Variants in PCDH9 observed in about 807,000 individuals in gnomAD.
PCDH9 encodes the protein protocadherin-9.
PCDH9 carries 24 observed loss-of-function variants against 70.6 expected under a neutral mutation model. The ratio of observed to expected loss-of-function variants is 0.34; its 90% confidence interval spans 0.25 to 0.48. The LOEUF (loss-of-function observed/expected upper bound fraction) is 0.48. PCDH9 is among the 20% of genes least tolerant of loss of function. The probability of loss-of-function intolerance (pLI) is 0.99; values close to 1 mark genes in which losing one functional copy is unlikely to be tolerated. For synonymous variants in PCDH9, 562 were observed against 558.5 expected, an observed-to-expected ratio of 1.01 and a Z score of -0.09; for missense variants, 1,281 against 1,503.6, an observed-to-expected ratio of 0.85 and a Z score of 2.45.
chr13:66,738,773 G>C (rs943294770), intron 3 of PCDH9, among the ~76,000 whole-genome samples: 1 of 152,010 alleles, frequency 6.6e-6, no homozygotes, highest in Admixed American at 6.6e-5. Context: ...GAAATGAAGC[G>C]AGAAGGGAAG....
chr13:66,671,326 G>C (rs147157877), intron 3 of PCDH9, among the ~76,000 whole-genome samples: 1 of 152,176 alleles, frequency 6.6e-6, no homozygotes, highest in African/African-American at 2.4e-5. Flanking sequence ...GTACTGCTAT[G>C]AGGATACCTG....
At chr13:67,078,198 T>C (rs1478705497) in intron 2 of PCDH9, among the ~76,000 whole-genome samples, 1 of 152,126 alleles carries the variant, frequency 6.6e-6, no homozygotes, top group Non-Finnish European at 1.5e-5. Context: ...TCACCTGGGC[T>C]TCTTCCCACC....
chr13:66,592,083 C>T (rs1240167885), intron 4 of PCDH9, among the ~76,000 whole-genome samples: 2 of 151,572 alleles, frequency 1.3e-5, no homozygotes, highest in Non-Finnish European at 3.0e-5. Context: ...TGTAGTAGTA[C>T]TTATCAATAT....
intron 3 of PCDH9, among the ~76,000 whole-genome samples, chr13:66,833,333 G>A (rs2080960768): frequency 6.6e-6 from 1 of 151,824 alleles, no homozygotes; most frequent in South Asian, 2.1e-4. Context: ...GACTTCTCTC[G>A]GTCCTTTATT....
At chr13:66,664,391 C>T (rs1052644480) in intron 3 of PCDH9, among the ~76,000 whole-genome samples, 2 of 150,830 alleles carry the variant, frequency 1.3e-5, no homozygotes, top group Non-Finnish European at 2.9e-5. Context: ...AACATGGACA[C>T]TTTTGTATCA....
At chr13:66,370,626 T>C (rs760231348) in intron 4 of PCDH9, among the ~76,000 whole-genome samples, 2 of 151,720 alleles carry the variant, frequency 1.3e-5, no homozygotes, top group African/African-American at 4.8e-5. Flanking sequence ...TCCTCCCGTA[T>C]CAGCCTCTTG....
At chr13:66,832,247 C>T (rs1412180699) in intron 3 of PCDH9, among the ~76,000 whole-genome samples, 2 of 151,844 alleles carry the variant, frequency 1.3e-5, no homozygotes, top group Non-Finnish European at 2.9e-5. Flanking sequence ...TAAATGTATG[C>T]CGTATGACGT....
intron 3 of PCDH9, among the ~76,000 whole-genome samples, chr13:66,895,288 G>T (rs748030409): frequency 2.0e-5 from 3 of 151,940 alleles, no homozygotes; most frequent in Non-Finnish European, 4.4e-5. Flanking sequence ...AGTTAAAATG[G>T]GATCTCACAG....
chr13:66,783,551 C>T (rs1322051114), intron 3 of PCDH9, among the ~76,000 whole-genome samples: 3 of 152,120 alleles, frequency 2.0e-5, no homozygotes, highest in Non-Finnish European at 4.4e-5. Context: ...TACATAGTCT[C>T]CTACCAAAAT....
At chr13:66,917,976 G>A (rs2082582564) in intron 2 of PCDH9, among the ~76,000 whole-genome samples, 1 of 151,206 alleles carries the variant, frequency 6.6e-6, no homozygotes, top group Non-Finnish European at 1.5e-5. Context: ...GAAAATTGGG[G>A]GTGACTGACC....
At chr13:67,202,515 T>C (rs2138056500) in intron 2 of PCDH9, 1 of 152,278 alleles carries the variant, frequency 6.6e-6, no homozygotes, top group African/African-American at 2.4e-5. Context: ...CCCACTGTTT[T>C]AATGGAGCAG....
intron 3 of PCDH9, among the ~76,000 whole-genome samples, chr13:66,642,759 T>C (rs1484761632): frequency 6.6e-6 from 1 of 151,808 alleles, no homozygotes; most frequent in African/African-American, 2.4e-5. Context: ...AAATTATATT[T>C]GAGGAATTCC....
Position 66,631,290 on chromosome 13 carries a change from A to G in PCDH9, c.3260T>C (p.Val1087Ala). The stretch of plus-strand genomic sequence containing the variant: ...GTCATAGAATTCGTCCTGTGGCTGA[A>G]CCAGAGGAAGAGGGTGTGAGATCAG... Reference protein sequence around the residue: ...GTLISHPLPLVQPQDEFYDQA... With the variant: ...GTLISHPLPLAQPQDEFYDQA... Residue 1087 changes from valine (V) to alanine (A), a missense_variant, in exon 4 of 5, where the codon GTT becomes GCT. Val to Ala is a moderately conservative substitution (Grantham distance 64). Around this residue, in one of 4 missense-constraint regions of PCDH9, gnomAD observed 264 missense variants for 278.8 expected, o/e 0.95. Coordinates refer to ENST00000377865, the MANE Select transcript of PCDH9 (RefSeq NM_203487.3). The G allele has an allele frequency of 6.2e-7, 1 of 1,608,276 alleles. No homozygotes were observed. Among genetic ancestry groups the G allele is most frequent in the South Asian group, 1.1e-5 (1 of 90,966 alleles).
intron 4 of PCDH9, among the ~76,000 whole-genome samples, chr13:66,557,461 T>C (rs1288911640): frequency 6.6e-6 from 1 of 152,218 alleles, no homozygotes; most frequent in African/African-American, 2.4e-5. Context: ...TTAGGATATT[T>C]CTTTCACAGA....
At chr13:66,857,823 C>T (rs2081419216) in intron 3 of PCDH9, among the ~76,000 whole-genome samples, 1 of 152,112 alleles carries the variant, frequency 6.6e-6, no homozygotes. Context: ...ATGATCCACA[C>T]ACTGAAAGTA....
intron 2 of PCDH9, among the ~76,000 whole-genome samples, chr13:67,181,192 G>C (rs1451702635): frequency 6.6e-6 from 1 of 152,156 alleles, no homozygotes; most frequent in African/African-American, 2.4e-5. Context: ...AAAAGCTTAA[G>C]TCAAAAGAGG....
At chr13:67,177,565 A>G (rs914792119) in intron 2 of PCDH9, among the ~76,000 whole-genome samples, 2 of 151,972 alleles carry the variant, frequency 1.3e-5, no homozygotes, top group African/African-American at 2.4e-5. Flanking sequence ...TCCTCACCCC[A>G]TTCCTCTGCC....
intron 4 of PCDH9, among the ~76,000 whole-genome samples, chr13:66,481,327 T>G (rs1958832938): frequency 6.7e-6 from 1 of 148,694 alleles, no homozygotes; most frequent in Admixed American, 6.7e-5. Flanking sequence ...GAAACTGCCA[T>G]GGCCACCTCA....
chr13:66,567,463 C>G (rs1272750797), intron 4 of PCDH9, among the ~76,000 whole-genome samples: 1 of 152,128 alleles, frequency 6.6e-6, no homozygotes, highest in Non-Finnish European at 1.5e-5. Context: ...ATTATTACTT[C>G]AATGTGTTCC....
Sources: allele counts gnomAD v4.1 joint callset (sites outside exome capture counted in the v4.1 genomes callset), GRCh38; gene constraint gnomAD v4.1.1; regional missense constraint gnomAD v4.1.1; transcripts MANE v1.5; gene names NCBI Gene and HGNC (gene_info 2026-07-23, HGNC 2026-07-21).